Variants in ARHGEF18 observed in about 807,000 individuals in gnomAD.
ARHGEF18 encodes the protein rho guanine nucleotide exchange factor 18.
A neutral mutation model predicts 155.7 loss-of-function variants in ARHGEF18; 93 were observed. The observed-to-expected ratio is 0.60, with a 90% CI of 0.50 to 0.71. The LOEUF (loss-of-function observed/expected upper bound fraction) is 0.71, where lower values mean the gene tolerates loss of function less well. ARHGEF18 is among the 30% of genes least tolerant of loss of function. The pLI, the probability that ARHGEF18 is intolerant of heterozygous loss-of-function variation, is 0.00. For missense variants in ARHGEF18, 1,593 were observed against 1,816.1 expected (o/e 0.88, Z 2.23); for synonymous variants, 742 against 753.1 (o/e 0.99, Z 0.24).
At chr19:7,477,070 T>C (rs1977247646), downstream of ARHGEF18, 1 of 857,646 alleles carries the variant, frequency 1.2e-6, no homozygotes, top group South Asian at 2.5e-5. Flanking sequence ...CATCAGTCCC[T>C]CCACCCACCC....
chr19:7,423,749 C>T (rs1486387963), intron 10 of ARHGEF18, among the ~76,000 whole-genome samples: 1 of 151,750 alleles, frequency 6.6e-6, no homozygotes, highest in East Asian at 1.9e-4. Flanking sequence ...GATTCAAACC[C>T]GTGTTCCACC....
intron 10 of ARHGEF18, among the ~76,000 whole-genome samples, chr19:7,403,557 T>C (rs371253290): frequency 1.5e-5 from 2 of 133,878 alleles, no homozygotes; most frequent in Non-Finnish European, 3.4e-5. Flanking sequence ...TTCTTTCTTT[T>C]TTTTTTTTTT....
rs183357795 is a variant in ARHGEF18 at position 7,382,875 on chromosome 19, T to C, written c.806T>C (p.Val269Ala). 9.2e-4 allele frequency: 1,137 copies of C among 1,232,396 alleles called. 2 individuals are homozygous for C. Among genetic ancestry groups the C allele is most frequent in the South Asian group, 9.5e-4 (23 of 24,308 alleles). 76.3% of individuals were successfully genotyped at this position (1,232,396 alleles called of 1,614,324 possible). Residue 269 changes from valine to alanine, a missense_variant, in exon 9 of 29, where the codon GTG (valine) becomes GCG (alanine). Physicochemically the swap from Val to Ala is moderately conservative, Grantham distance 64. Transcript: ENST00000668164. Reference sequence around the variant, plus strand: ...AGGCTGAGCTGCCTCCGCAGTCGAGTGACCAGGCAGAAGGAGAAGGTAAGG... The same window carrying C: ...AGGCTGAGCTGCCTCCGCAGTCGAGCGACCAGGCAGAAGGAGAAGGTAAGG... ...KRRLSCLRSR[V>A]TRQKEKGKSP...
intron 2 of ARHGEF18, among the ~76,000 whole-genome samples, chr19:7,366,649 A>G (rs12462611): frequency 0.56 from 85,416 of 152,100 alleles, 26,571 homozygotes; most frequent in Middle Eastern, 0.74. Context: ...TTAATCATCT[A>G]TCTTCTCCAA....
intron 10 of ARHGEF18, among the ~76,000 whole-genome samples, chr19:7,389,509 TCC>T (rs1237148029): frequency 7.0e-6 from 1 of 143,154 alleles, no homozygotes; most frequent in African/African-American, 2.8e-5. Flanking sequence ...CTTCCTTCCT[TCC>T]TTCCTTTCTT....
chr19:7,440,367 G>A lies in ARHGEF18; in HGVS notation c.991G>A (p.Gly331Ser). The change falls in exon 11 of 29, where the codon GGC (glycine) becomes AGC (serine). Residue 331 changes from glycine to serine, a missense_variant. Transcript: ENST00000668164. This position sits in a 1 kb window ranked among gnomAD's most constrained non-coding sequence, Gnocchi z 5.4. ...AGCCTCGCTCAAGGAGCACCCCCGG[G>A]GCACCCTCCTGTCCGATGGCAGCCC... Reference protein sequence around the residue: ...SSASLKEHPRGTLLSDGSPAL... With the variant: ...SSASLKEHPRSTLLSDGSPAL... The A allele has an allele frequency of 6.2e-7, 1 of 1,612,396 alleles. No individual in the cohort carries two copies. Among genetic ancestry groups the A allele is most frequent in the African/African-American group, 1.3e-5 (1 of 75,070 alleles).
intron 10 of ARHGEF18, among the ~76,000 whole-genome samples, chr19:7,410,979 C>T (rs936488048): frequency 1.3e-5 from 2 of 151,950 alleles, no homozygotes; most frequent in Non-Finnish European, 2.9e-5. Context: ...TGGCCTGTAC[C>T]CAGTGTCAAG....
At chr19:7,472,738 C>A (rs560214948), downstream of ARHGEF18, 4 of 337,022 alleles carry the variant, frequency 1.2e-5, no homozygotes, top group African/African-American at 6.5e-5. Flanking sequence ...CTTGCTCTGT[C>A]GCCCAGGCTG....
chr19:7,435,371 C>T (rs1974198707), intron 10 of ARHGEF18, among the ~76,000 whole-genome samples: 1 of 152,062 alleles, frequency 6.6e-6, no homozygotes, highest in South Asian at 2.1e-4. Context: ...ATTCACAGTC[C>T]TCTGGAAGCA....
At position 7,444,568 on chromosome 19, in the gene ARHGEF18, T is replaced by C; in HGVS notation, c.1611+114T>C. Reference sequence around the variant, plus strand: ...CCGTGTCGCCCAGGCTGGAGTGCAGTGGTGCAGTCACAGCTCAATGCAGCC... The same window carrying C: ...CCGTGTCGCCCAGGCTGGAGTGCAGCGGTGCAGTCACAGCTCAATGCAGCC... On this transcript the variant is annotated intron_variant, in intron 14 of 28. Transcript: ENST00000668164. The surrounding 1 kb of genome is among the most constrained non-coding windows in gnomAD (Gnocchi z 4.7). The C allele has an allele frequency of 7.0e-7, 1 of 1,426,136 alleles. No homozygotes were observed. Among genetic ancestry groups the C allele is most frequent in the Non-Finnish European group, 9.4e-7 (1 of 1,068,842 alleles). 88.3% of individuals were successfully genotyped at this position (1,426,136 alleles called of 1,614,324 possible).
At chr19:7,410,809 CAAAAAA>C (rs58022667) in intron 10 of ARHGEF18, among the ~76,000 whole-genome samples, 2 of 82,302 alleles carry the variant, frequency 2.4e-5, no homozygotes, top group East Asian at 9.0e-4. Flanking sequence ...GACTCCATCT[CAAAAAA>C]AAAAAAAAAA....
chr19:7,371,119 C>T (rs1335590885), intron 2 of ARHGEF18, among the ~76,000 whole-genome samples: 1 of 151,988 alleles, frequency 6.6e-6, no homozygotes, highest in Non-Finnish European at 1.5e-5. Context: ...GTTATGTTGT[C>T]CAGGCGGGTC....
chr19:7,477,108 C>T, downstream of ARHGEF18: 1 of 1,214,850 alleles, frequency 8.2e-7, no homozygotes, highest in Non-Finnish European at 1.1e-6. Flanking sequence ...ACAGGCAGCT[C>T]CATGAGAGCC....
chr19:7,400,277 C>G (rs899683921), intron 10 of ARHGEF18, among the ~76,000 whole-genome samples: 1 of 152,060 alleles, frequency 6.6e-6, no homozygotes, highest in Non-Finnish European at 1.5e-5. Flanking sequence ...TTAGGATATT[C>G]ACAGAGTTAA....
chr19:7,371,380 T>C (rs1970198237), intron 2 of ARHGEF18, among the ~76,000 whole-genome samples: 1 of 152,112 alleles, frequency 6.6e-6, no homozygotes, highest in South Asian at 2.1e-4. Flanking sequence ...AACTGGACAC[T>C]GAAAAATGGT....
chr19:7,479,392 G>A, the ARHGEF18 span, among the ~76,000 whole-genome samples: 1 of 152,212 alleles, frequency 6.6e-6, no homozygotes, highest in African/African-American at 2.4e-5. Flanking sequence ...GCTGAGGCAG[G>A]AGAATCACTT....
At chr19:7,436,206 T>G (rs63558062) in intron 10 of ARHGEF18, among the ~76,000 whole-genome samples, 27 of 56,192 alleles carry the variant, frequency 4.8e-4, no homozygotes, top group African/African-American at 2.4e-3. Context: ...TCTTTTTTTT[T>G]TTTTTTTTTT....
chr19:7,378,247 G>C (rs750332482), intron 5 of ARHGEF18, 147 bp from the exon 6 acceptor site: 2 of 493,526 alleles, frequency 4.1e-6, no homozygotes, highest in African/African-American at 2.0e-5. Flanking sequence ...TCCTCTTCTC[G>C]TCTCTGTTGC....
intron 10 of ARHGEF18, chr19:7,439,608 C>T (rs1974495361): frequency 1.9e-5 from 19 of 976,738 alleles, no homozygotes; most frequent in Non-Finnish European, 2.4e-5. Context: ...GGTTTATAAT[C>T]ACCATATGGA....
Sources: gnomAD v4.1 joint callset for allele counts (sites outside exome capture counted in the v4.1 genomes callset) on GRCh38, gnomAD v4.1.1 for gene constraint, Gnocchi (gnomAD v3.1) non-coding constraint, MANE v1.5 for transcripts, NCBI Gene and HGNC (gene_info 2026-07-23, HGNC 2026-07-21) for gene names.